The following ARHGAP42 variants were observed in gnomAD, a reference collection of about 807,000 sequenced individuals.
ARHGAP42 encodes the protein Rho GTPase activating protein 42.
Under a neutral mutation model 125.0 loss-of-function variants are expected in ARHGAP42, and 63 were observed. That is an observed-to-expected ratio of 0.50 (90% CI 0.41 to 0.62). ARHGAP42 has a LOEUF of 0.62. Among genes scored for constraint, ARHGAP42 ranks in the 20% least tolerant of loss-of-function variants. The pLI is 0.00. For synonymous variants in ARHGAP42, 339 were observed against 351.0 expected (o/e 0.97, Z 0.38); for missense variants, 766 against 1,024.2 (o/e 0.75, Z 3.44).
chr11:100,751,197 C>T (rs7949835), intron 1 of ARHGAP42, among the ~76,000 whole-genome samples: 1,928 of 151,804 alleles, frequency 0.013, 41 homozygotes, highest in African/African-American at 0.045. Context: ...CCTTCGCCTC[C>T]CAAAGAGCTG....
intron 4 of ARHGAP42, among the ~76,000 whole-genome samples, chr11:100,879,830 G>A (rs1865912982): frequency 6.6e-6 from 1 of 152,120 alleles, no homozygotes; most frequent in African/African-American, 2.4e-5. Flanking sequence ...TGGTTTTCAG[G>A]TGAGAGGGTC....
At chr11:100,923,835 G>T (rs1017525658) in intron 6 of ARHGAP42, among the ~76,000 whole-genome samples, 1 of 152,080 alleles carries the variant, frequency 6.6e-6, no homozygotes, top group African/African-American at 2.4e-5. Flanking sequence ...AGTACTGTCA[G>T]TTTGGTCTCA....
At chr11:100,903,752 A>ATATATATATG (rs1555021293) in intron 4 of ARHGAP42, among the ~76,000 whole-genome samples, 6 of 125,632 alleles carry the variant, frequency 4.8e-5, no homozygotes, top group South Asian at 2.6e-4. Flanking sequence ...ATATATATAT[A>ATATATATATG]TATGTATGTA....
intron 4 of ARHGAP42, among the ~76,000 whole-genome samples, chr11:100,900,696 G>A (rs929915552): frequency 4.6e-5 from 7 of 151,906 alleles, no homozygotes; most frequent in East Asian, 1.9e-4. Flanking sequence ...CCACTTGGTC[G>A]AATCGGCTGT....
chr11:100,802,743 C>T (rs1863888830), intron 3 of ARHGAP42, among the ~76,000 whole-genome samples: 1 of 152,064 alleles, frequency 6.6e-6, no homozygotes, highest in Non-Finnish European at 1.5e-5. Context: ...CTTCTTAATA[C>T]ACTCCCTCTT....
intron 1 of ARHGAP42, among the ~76,000 whole-genome samples, chr11:100,688,185 AG>A (rs1392968549): frequency 6.6e-6 from 1 of 151,992 alleles, no homozygotes; most frequent in Non-Finnish European, 1.5e-5. Flanking sequence ...AAAGCCCTTA[AG>A]GGGGGAATCA....
intron 3 of ARHGAP42, among the ~76,000 whole-genome samples, chr11:100,816,028 T>C (rs565274698): frequency 6.6e-6 from 1 of 152,244 alleles, no homozygotes; most frequent in Non-Finnish European, 1.5e-5. Flanking sequence ...GTATACATTA[T>C]ATTTTGTTCA....
chr11:100,820,697 T>G (rs1864384711), intron 3 of ARHGAP42, among the ~76,000 whole-genome samples: 1 of 152,288 alleles, frequency 6.6e-6, no homozygotes, highest in African/African-American at 2.4e-5. Flanking sequence ...TTTATACCTC[T>G]CTATATAAAC....
intron 7 of ARHGAP42, among the ~76,000 whole-genome samples, chr11:100,933,536 G>T (rs924463008): frequency 6.6e-6 from 1 of 152,120 alleles, no homozygotes; most frequent in Admixed American, 6.6e-5. Flanking sequence ...TTTGCAGTAT[G>T]GTGGCTCTAG....
rs191428541 is a variant in ARHGAP42 at position 100,782,266 on chromosome 11, C to T, written c.250+11828C>T. 2.6e-5 allele frequency among the ~76,000 whole-genome samples: 4 copies of T among 152,276 alleles called. No homozygotes were observed. In the East Asian group the frequency reaches 7.7e-4, roughly 29 times the overall value. On this transcript the variant is annotated intron_variant, in intron 2 of 23. Coordinates refer to ENST00000298815, the MANE Select transcript of ARHGAP42 (RefSeq NM_152432.4). ...TCTTCTAGCATCCATATATGTGATT[C>T]ATTATAACATGGAAGTCTTTGCTAG...
intron 12 of ARHGAP42, among the ~76,000 whole-genome samples, chr11:100,952,917 T>C (rs1349326385): frequency 6.6e-6 from 1 of 152,030 alleles, no homozygotes; most frequent in East Asian, 1.9e-4. Flanking sequence ...GTGTTTTTAG[T>C]AGAGATGGGG....
intron 1 of ARHGAP42, among the ~76,000 whole-genome samples, chr11:100,746,668 G>A (rs1862314192): frequency 6.6e-6 from 1 of 152,174 alleles, no homozygotes; most frequent in Middle Eastern, 3.2e-3. Flanking sequence ...TTTGGGAAGG[G>A]GGCAGCCGTA....
chr11:100,763,032 T>C (rs1212828635), intron 1 of ARHGAP42, among the ~76,000 whole-genome samples: 1 of 137,988 alleles, frequency 7.2e-6, no homozygotes, highest in East Asian at 2.1e-4. Flanking sequence ...CAGGCTAGAG[T>C]GCAATGGCAT....
intron 3 of ARHGAP42, among the ~76,000 whole-genome samples, chr11:100,829,417 A>G (rs1026230844): frequency 6.6e-6 from 1 of 152,102 alleles, no homozygotes; most frequent in Non-Finnish European, 1.5e-5. Flanking sequence ...TAATTCTGCT[A>G]TCACAGGACC....
chr11:100,893,773 T>C (rs1866278887), intron 4 of ARHGAP42, among the ~76,000 whole-genome samples: 1 of 152,196 alleles, frequency 6.6e-6, no homozygotes. Context: ...TTCCTAATTC[T>C]AATTGATAAA....
intron 6 of ARHGAP42, among the ~76,000 whole-genome samples, chr11:100,925,299 T>A (rs1421163447): frequency 1.3e-5 from 2 of 152,084 alleles, no homozygotes; most frequent in Non-Finnish European, 2.9e-5. Flanking sequence ...AAATATAAAA[T>A]CAACAGCAGC....
At chr11:100,945,043 A>G (rs1867980116) in intron 10 of ARHGAP42, among the ~76,000 whole-genome samples, 1 of 152,072 alleles carries the variant, frequency 6.6e-6, no homozygotes, top group Non-Finnish European at 1.5e-5. Flanking sequence ...ACCCTGCCCT[A>G]CTGCACTGTC....
chr11:100,689,340 G>T (rs1250568860), intron 1 of ARHGAP42, among the ~76,000 whole-genome samples: 1 of 152,196 alleles, frequency 6.6e-6, no homozygotes, highest in Admixed American at 6.5e-5. Context: ...ATCTAAGAGA[G>T]CATGATGCCT....
At chr11:100,907,404 T>G (rs1421578445) in intron 4 of ARHGAP42, among the ~76,000 whole-genome samples, 2 of 152,142 alleles carry the variant, frequency 1.3e-5, no homozygotes, top group Non-Finnish European at 2.9e-5. Flanking sequence ...GATTACCTGG[T>G]GGTGGTGGCA....
Sources: allele counts gnomAD v4.1 joint callset (sites outside exome capture counted in the v4.1 genomes callset), GRCh38; gene constraint gnomAD v4.1.1; transcripts MANE v1.5; gene names NCBI Gene and HGNC (gene_info 2026-07-23, HGNC 2026-07-21).